KIF13B: variants seen among roughly 807,000 people sequenced by gnomAD.
KIF13B encodes kinesin family member 13B.
Under a neutral mutation model 222.0 loss-of-function variants are expected in KIF13B, and 127 were observed. The observed-to-expected ratio is 0.57, with a 90% CI of 0.50 to 0.66. The LOEUF is 0.66. KIF13B is among the 30% of genes least tolerant of loss of function. The probability of loss-of-function intolerance (pLI) is 0.00; values close to 1 mark genes in which losing one functional copy is unlikely to be tolerated. For synonymous variants in KIF13B, 976 were observed against 919.0 expected (o/e 1.06, Z -1.12); for missense variants, 2,173 against 2,379.0 (o/e 0.91, Z 1.80).
chr8:29,155,673 C>T, intron 14 of KIF13B, 53 bp downstream of exon 14: 2 of 1,518,516 alleles, frequency 1.3e-6, no homozygotes, highest in South Asian at 1.2e-5. Flanking sequence ...CACTAGAGTA[C>T]TTTCTTCCTC....
At position 29,070,833 on chromosome 8, in the gene KIF13B, A is replaced by G. The variant is rs1036375191; in HGVS notation, c.5219-67T>C. On this transcript the variant is annotated intron_variant, in intron 39 of 39. Transcript: ENST00000524189. This position sits in a 1 kb window ranked among gnomAD's most constrained non-coding sequence, Gnocchi z 4.1. ...GCAGACGGCCCCCTGCACCTCCCTT[A>G]CCTCTGCAGAGGCCATGTGCCCACA... 6.6e-7 allele frequency: 1 copy of G among 1,524,072 alleles called. No individual in the cohort carries two copies. The highest frequency in any genetic ancestry group is 8.9e-7 in the Non-Finnish European group (1 of 1,125,412). The allele number at this position is 1,524,072 out of a possible 1,614,324, so 94.4% of individuals were successfully genotyped here.
chr8:29,248,234 C>G (rs1816122761), intron 1 of KIF13B, among the ~76,000 whole-genome samples: 1 of 152,144 alleles, frequency 6.6e-6, no homozygotes, highest in Admixed American at 6.5e-5. Flanking sequence ...CACAAATGTT[C>G]ACAGTACCAT....
At chr8:29,237,171 G>C (rs908835879) in intron 2 of KIF13B, among the ~76,000 whole-genome samples, 1 of 151,806 alleles carries the variant, frequency 6.6e-6, no homozygotes, top group African/African-American at 2.4e-5. Context: ...CTTTAAAACA[G>C]AAATCTAGAT....
chr8:29,160,657 C>T, intron 13 of KIF13B, 76 bp downstream of exon 13: 1 of 1,362,846 alleles, frequency 7.3e-7, no homozygotes, highest in South Asian at 1.6e-5. Context: ...AGCATGGTTC[C>T]CCAAGTTTAC....
intron 2 of KIF13B, among the ~76,000 whole-genome samples, chr8:29,241,015 T>G (rs1586973433): frequency 6.6e-6 from 1 of 152,166 alleles, no homozygotes; most frequent in Admixed American, 6.5e-5. Context: ...GTACACAAAC[T>G]GCATTATCCA....
intron 18 of KIF13B, among the ~76,000 whole-genome samples, chr8:29,144,585 C>T (rs1810969950): frequency 6.6e-6 from 1 of 152,054 alleles, no homozygotes; most frequent in Admixed American, 6.5e-5. Context: ...AAAGGCCCTC[C>T]TACCTTATAT....
At chr8:29,134,487 A>G (rs1435873216) in intron 21 of KIF13B, among the ~76,000 whole-genome samples, 1 of 152,244 alleles carries the variant, frequency 6.6e-6, no homozygotes, top group Non-Finnish European at 1.5e-5. Flanking sequence ...TTCTCAGAAT[A>G]TAAGAATCAT....
intron 6 of KIF13B, among the ~76,000 whole-genome samples, 177 bp downstream of exon 6, chr8:29,186,115 A>C (rs1457205821): frequency 6.6e-6 from 1 of 152,230 alleles, no homozygotes; most frequent in Non-Finnish European, 1.5e-5. Context: ...ACAAACAAAC[A>C]AACAAACTCT....
chr8:29,142,410 G>A, intron 18 of KIF13B, 107 bp from the exon 19 acceptor site: 1 of 929,082 alleles, frequency 1.1e-6, no homozygotes, highest in Admixed American at 2.5e-5. Context: ...AAACTCAAAT[G>A]GCAATCATCC....
chr8:29,135,878 G>C (rs1194743563), intron 21 of KIF13B, among the ~76,000 whole-genome samples: 3 of 152,182 alleles, frequency 2.0e-5, no homozygotes, highest in African/African-American at 4.8e-5. Context: ...CTGGGTGACA[G>C]AGACTCTGTC....
intron 14 of KIF13B, among the ~76,000 whole-genome samples, chr8:29,153,030 C>T (rs1014460067): frequency 3.9e-5 from 6 of 152,132 alleles, no homozygotes; most frequent in Non-Finnish European, 5.9e-5. Flanking sequence ...TGTGGAAGTC[C>T]GAACCTGCAA....
chr8:29,092,904 T>C (rs1195953800), intron 36 of KIF13B, 26 bp from the exon 37 acceptor site: 2 of 1,576,738 alleles, frequency 1.3e-6, no homozygotes, highest in Non-Finnish European at 1.7e-6. Flanking sequence ...GGGAAAAAGA[T>C]AAAACAAATA....
intron 2 of KIF13B, among the ~76,000 whole-genome samples, chr8:29,202,227 C>G (rs1813725113): frequency 6.6e-6 from 1 of 152,180 alleles, no homozygotes; most frequent in South Asian, 2.1e-4. Flanking sequence ...GGGACTCATA[C>G]CTGGCAGGGA....
At chr8:29,130,945 T>G (rs1234277961) in intron 23 of KIF13B, among the ~76,000 whole-genome samples, 4 of 152,140 alleles carry the variant, frequency 2.6e-5, no homozygotes, top group African/African-American at 9.7e-5. Context: ...AATTGGAAAT[T>G]CTAATCAGAT....
intron 38 of KIF13B, among the ~76,000 whole-genome samples, chr8:29,072,643 G>A (rs1807353639): frequency 6.6e-6 from 1 of 152,206 alleles, no homozygotes; most frequent in Non-Finnish European, 1.5e-5. Flanking sequence ...GGCCGACAGT[G>A]CACCCCGCAG....
intron 2 of KIF13B, among the ~76,000 whole-genome samples, chr8:29,209,877 C>T (rs1024824094): frequency 1.2e-4 from 16 of 133,552 alleles, no homozygotes; most frequent in Non-Finnish European, 2.1e-4. Context: ...TGAGACCCTA[C>T]CTCTCCACAA....
At chr8:29,124,714 T>A (rs894929044) in intron 26 of KIF13B, among the ~76,000 whole-genome samples, 16 of 151,906 alleles carry the variant, frequency 1.1e-4, no homozygotes, top group Non-Finnish European at 1.9e-4. Context: ...TGAAACCCCA[T>A]CCCTACTAAA....
intron 9 of KIF13B, among the ~76,000 whole-genome samples, chr8:29,176,543 G>A (rs1238248447): frequency 1.3e-5 from 2 of 152,138 alleles, no homozygotes; most frequent in Admixed American, 6.5e-5. Context: ...TAGCATCTGG[G>A]TGACAGTGTT....
chr8:29,141,120 G>A (rs1810798633), intron 19 of KIF13B, among the ~76,000 whole-genome samples: 1 of 152,006 alleles, frequency 6.6e-6, no homozygotes, highest in African/African-American at 2.4e-5. Flanking sequence ...GGTCACCTGA[G>A]GTCAAGAGTT....
Sources: allele counts gnomAD v4.1 joint callset (sites outside exome capture counted in the v4.1 genomes callset), GRCh38; gene constraint gnomAD v4.1.1; non-coding constraint Gnocchi (gnomAD v3.1); transcripts MANE v1.5; gene names NCBI Gene and HGNC (gene_info 2026-07-23, HGNC 2026-07-21).